RHOA: variants seen among roughly 807,000 people sequenced by gnomAD.
The protein encoded by RHOA is transforming protein RhoA.
In RHOA, 3 loss-of-function variants were observed where a neutral mutation model predicts 17.5. That is an observed-to-expected ratio of 0.17 (90% CI 0.08 to 0.44). The LOEUF (loss-of-function observed/expected upper bound fraction) is 0.44, where lower values mean the gene tolerates loss of function less well. Among genes scored for constraint, RHOA ranks in the 20% least tolerant of loss-of-function variants. The pLI is 0.99. For missense variants in RHOA, 56 were observed against 242.3 expected (o/e 0.23, Z 5.10); for synonymous variants, 98 against 88.4 (o/e 1.11, Z -0.61).
chr3:49,383,714 T>C (rs766965654), intron 1 of RHOA, among the ~76,000 whole-genome samples: 2 of 152,086 alleles, frequency 1.3e-5, no homozygotes, highest in Admixed American at 6.6e-5. Flanking sequence ...CCTTTGCTTA[T>C]AGGGAGGGAA....
chr3:49,372,619 G>A (rs1160133470), intron 2 of RHOA, among the ~76,000 whole-genome samples: 3 of 151,464 alleles, frequency 2.0e-5, no homozygotes, highest in South Asian at 2.1e-4. Flanking sequence ...CTGTAGTCCC[G>A]GCTACTCCGG....
At chr3:49,399,451 T>C (rs891902474) in intron 1 of RHOA, among the ~76,000 whole-genome samples, 1 of 152,068 alleles carries the variant, frequency 6.6e-6, no homozygotes, top group Non-Finnish European at 1.5e-5. Flanking sequence ...ATATGTCATA[T>C]GCTATCATAC....
chr3:49,396,563 C>T (rs192382641), intron 1 of RHOA, among the ~76,000 whole-genome samples: 14 of 152,146 alleles, frequency 9.2e-5, no homozygotes, highest in African/African-American at 3.1e-4. Flanking sequence ...AAAAATTAGC[C>T]GGACATGATG....
In RHOA at chr3:49,362,550, C is replaced by T. The variant is rs1418827257; in HGVS notation, c.354G>A (p.Lys118=). 2.0e-5 allele frequency: 33 copies of T among 1,613,686 alleles called. No homozygotes were observed. Among genetic ancestry groups the T allele is most frequent in the Non-Finnish European group, 2.5e-5 (29 of 1,179,882 alleles). Residue 118 remains lysine (K), a synonymous_variant, in exon 4 of 5, where the codon AAG becomes AAA. Coordinates refer to ENST00000418115, the MANE Select transcript of RHOA (RefSeq NM_001664.4). ...PNVPIILVGN[K]KDLRNDEHTR... ...TGTGCTCATCATTCCGAAGATCCTTCTTATTCCCAACCAGGATGATGGGCA... is the reference window on the plus strand; with the variant it reads ...TGTGCTCATCATTCCGAAGATCCTTTTTATTCCCAACCAGGATGATGGGCA...
At chr3:49,403,291 T>C (rs534194416) in intron 1 of RHOA, among the ~76,000 whole-genome samples, 12 of 152,120 alleles carry the variant, frequency 7.9e-5, no homozygotes, top group African/African-American at 1.9e-4. Context: ...TGAGCCAAGA[T>C]TGCGGCACTG....
At chr3:49,364,689 A>T (rs1375787631) in intron 3 of RHOA, among the ~76,000 whole-genome samples, 2 of 151,728 alleles carry the variant, frequency 1.3e-5, no homozygotes, top group Admixed American at 1.3e-4. Flanking sequence ...AATAAATAAA[A>T]ATAAATAGAC....
chr3:49,379,754 G>A (rs914390751), intron 1 of RHOA, among the ~76,000 whole-genome samples: 4 of 152,148 alleles, frequency 2.6e-5, no homozygotes, highest in Admixed American at 6.6e-5. Flanking sequence ...GAGGTCAAGC[G>A]ATCCTCCTGC....
chr3:49,387,891 C>A (rs1359674121), intron 1 of RHOA, among the ~76,000 whole-genome samples: 2 of 152,072 alleles, frequency 1.3e-5, no homozygotes, highest in South Asian at 2.1e-4. Context: ...TTGAGTCACT[C>A]TGAAATCATC....
chr3:49,361,364 TCTC>T (rs1294433896), intron 4 of RHOA, among the ~76,000 whole-genome samples: 1 of 152,140 alleles, frequency 6.6e-6, no homozygotes, highest in Non-Finnish European at 1.5e-5. Flanking sequence ...TCTCAATGCT[TCTC>T]CTCCAGTGAG....
At chr3:49,365,991 A>T (rs1371706276) in intron 3 of RHOA, among the ~76,000 whole-genome samples, 3 of 152,166 alleles carry the variant, frequency 2.0e-5, no homozygotes, top group African/African-American at 4.8e-5. Context: ...CAGGAGGTCG[A>T]GGCAGCAGTA....
At chr3:49,393,595 CTTTTT>C (rs34715210) in intron 1 of RHOA, among the ~76,000 whole-genome samples, 10 of 97,932 alleles carry the variant, frequency 1.0e-4, no homozygotes, top group African/African-American at 1.9e-4. Flanking sequence ...ACTGCACTGG[CTTTTT>C]TTTTTTTTTT....
At chr3:49,383,900 T>C (rs2048356748) in intron 1 of RHOA, among the ~76,000 whole-genome samples, 1 of 151,962 alleles carries the variant, frequency 6.6e-6, no homozygotes, top group Non-Finnish European at 1.5e-5. Flanking sequence ...CATGGTGGCA[T>C]CTGCCTGTAA....
At chr3:49,379,002 G>A (rs566022512) in intron 1 of RHOA, among the ~76,000 whole-genome samples, 1 of 152,234 alleles carries the variant, frequency 6.6e-6, no homozygotes, top group South Asian at 2.1e-4. Context: ...GATGTGAGTA[G>A]GTATGACCCT....
At chr3:49,399,054 C>CAAAAAAAAAAAAAAAAAAAAAA (rs10530558) in intron 1 of RHOA, among the ~76,000 whole-genome samples, 9 of 24,840 alleles carry the variant, frequency 3.6e-4, no homozygotes, top group East Asian at 1.6e-3. Context: ...GACTCCGTCT[C>CAAAAAAAAAAAAAAAAAAAAAA]AAAAAAAAAA....
At chr3:49,401,228 G>A (rs1455598433) in intron 1 of RHOA, among the ~76,000 whole-genome samples, 5 of 151,814 alleles carry the variant, frequency 3.3e-5, no homozygotes, top group African/African-American at 4.8e-5. Flanking sequence ...ACAACGCATA[G>A]TATGTAAAAC....
chr3:49,367,204 G>A (rs1262413724), intron 3 of RHOA, among the ~76,000 whole-genome samples: 3 of 151,710 alleles, frequency 2.0e-5, no homozygotes, highest in Non-Finnish European at 2.9e-5. Flanking sequence ...TTAGCCGGGC[G>A]TGGTGGTGGC....
intron 1 of RHOA, among the ~76,000 whole-genome samples, chr3:49,399,856 A>G (rs1328597953): frequency 1.3e-5 from 2 of 152,196 alleles, no homozygotes; most frequent in Non-Finnish European, 2.9e-5. Context: ...TTTATATAGT[A>G]GATTACATCA....
intron 2 of RHOA, among the ~76,000 whole-genome samples, chr3:49,371,443 C>T (rs2048146459): frequency 1.3e-5 from 2 of 152,150 alleles, no homozygotes; most frequent in South Asian, 4.1e-4. Context: ...CCACGCCCAG[C>T]TAATTTTTTG....
At chr3:49,360,467 AT>A (rs200617234) in intron 4 of RHOA, 85 bp from the exon 5 acceptor site, 27 of 1,419,338 alleles carry the variant, frequency 1.9e-5, no homozygotes, top group Admixed American at 7.3e-5. Flanking sequence ...CATCTAAAAG[AT>A]TTTTTTTTCT....
Sources: allele counts gnomAD v4.1 joint callset (sites outside exome capture counted in the v4.1 genomes callset), GRCh38; gene constraint gnomAD v4.1.1; transcripts MANE v1.5; gene names NCBI Gene and HGNC (gene_info 2026-07-23, HGNC 2026-07-21).